The following EPHA4 variants were observed in gnomAD, a reference collection of about 807,000 sequenced individuals.
EPHA4 encodes ephrin type-A receptor 4.
A neutral mutation model predicts 108.3 loss-of-function variants in EPHA4; 19 were observed. The ratio of observed to expected loss-of-function variants is 0.18; its 90% CI spans 0.12 to 0.26. The LOEUF is 0.26. Ranked by LOEUF, EPHA4 falls within the 10% of genes least tolerant of loss-of-function variation. EPHA4 has a pLI of 1.00. For synonymous variants in EPHA4, 449 were observed against 455.5 expected (o/e 0.99, Z 0.18); for missense variants, 917 against 1,254.0 (o/e 0.73, Z 4.06).
chr2:221,538,116 C>T (rs919569766), intron 3 of EPHA4, among the ~76,000 whole-genome samples: 5 of 152,064 alleles, frequency 3.3e-5, no homozygotes, highest in Admixed American at 2.6e-4. Flanking sequence ...TTGAATTGAA[C>T]GAAGAGTCTA....
intron 3 of EPHA4, among the ~76,000 whole-genome samples, chr2:221,504,567 C>T (rs1559270264): frequency 6.7e-6 from 1 of 150,368 alleles, no homozygotes; most frequent in Middle Eastern, 3.2e-3. Flanking sequence ...ATATATATGG[C>T]TATGTCATTT....
At position 221,420,396 on chromosome 2, in the gene EPHA4, T is replaced by C. The variant is rs1483794448; in HGVS notation, c.*976A>G. ...GTCACACATTTATTCTTTTCAGGTA[T>C]GGGTGTTGTTTCATCAGTGTCTTTG... On this transcript the variant is annotated 3_prime_UTR_variant, in exon 18 of 18. Coordinates refer to ENST00000281821, the MANE Select transcript of EPHA4 (RefSeq NM_004438.5). 2 of 152,652 alleles carry C rather than the reference T, an allele frequency of 1.3e-5. No individual in the cohort carries two copies. Among genetic ancestry groups the C allele is most frequent in the East Asian group, 3.9e-4 (2 of 5,194 alleles). 9.5% of individuals were successfully genotyped at this position (152,652 alleles called of 1,614,324 possible).
At chr2:221,502,877 A>G (rs1459444197) in intron 3 of EPHA4, among the ~76,000 whole-genome samples, 3 of 152,232 alleles carry the variant, frequency 2.0e-5, no homozygotes, top group Non-Finnish European at 4.4e-5. Context: ...CTTTCACTGG[A>G]CCGGAGCATC....
chr2:221,506,153 A>G (rs951452922), intron 3 of EPHA4, among the ~76,000 whole-genome samples: 1 of 152,312 alleles, frequency 6.6e-6, no homozygotes, highest in South Asian at 2.1e-4. Context: ...ATGACCAAAA[A>G]GTTTCCATGG....
chr2:221,481,334 A>G (rs1051281594), intron 5 of EPHA4, among the ~76,000 whole-genome samples: 1 of 52,814 alleles, frequency 1.9e-5, no homozygotes, highest in Non-Finnish European at 3.7e-5. Flanking sequence ...CCTCCGCCCC[A>G]CCCTCCCAGC....
At chr2:221,555,305 G>A (rs954595171) in intron 3 of EPHA4, among the ~76,000 whole-genome samples, 1 of 152,190 alleles carries the variant, frequency 6.6e-6, no homozygotes, top group East Asian at 1.9e-4. Context: ...TAAACAGAAG[G>A]AGATTTTGGC....
Position 221,443,525 on chromosome 2 carries a change from G to A in EPHA4, c.1856C>T (p.Ser619Phe), listed in dbSNP as rs1443537232. ...TATAACTTTTTCAATCTTAATGCAG[G>A]ATGCGTCAATTTCTTTGGCAAACTC... ...VREFAKEIDA[S>F]CIKIEKVIGV... is the part of the protein sequence containing the mutation. The change falls in exon 10 of 18, where the codon TCC (serine) becomes TTC (phenylalanine). Residue 619 changes from serine (S) to phenylalanine (F), a missense_variant. Physicochemically the swap from Ser to Phe is radical, Grantham distance 155. Transcript: ENST00000281821. 6.2e-7 allele frequency: 1 copy of A among 1,613,722 alleles called. No homozygotes were observed. Among genetic ancestry groups the A allele is most frequent in the Non-Finnish European group, 8.5e-7 (1 of 1,179,918 alleles).
At chr2:221,499,756 A>ATATATATATATATT (rs1334015871) in intron 4 of EPHA4, among the ~76,000 whole-genome samples, 2 of 26,228 alleles carry the variant, frequency 7.6e-5, no homozygotes, top group African/African-American at 3.2e-4. Flanking sequence ...ATATATATAT[A>ATATATATATATATT]TTTTTTTTTT....
Position 221,434,309 on chromosome 2 carries a change from ATAAGTTATTCCT to A in EPHA4, c.2347-30_2347-19del, listed in dbSNP as rs753872481. 3 of 1,612,898 alleles carry A rather than the reference ATAAGTTATTCCT, an allele frequency of 1.9e-6. No homozygotes were observed. The highest frequency in any genetic ancestry group is 2.5e-6 in the Non-Finnish European group (3 of 1,179,402). On this transcript the variant is annotated intron_variant, in intron 13 of 17. Transcript: ENST00000281821. ...TTGCCACCCTGTGAACATTTGAGCC[ATAAGTTATTCCT>A]TAAGTACATCACTGATGTGCCATTT...
intron 3 of EPHA4, among the ~76,000 whole-genome samples, chr2:221,557,361 A>G (rs1008473293): frequency 1.3e-5 from 2 of 152,212 alleles, no homozygotes; most frequent in Non-Finnish European, 2.9e-5. Flanking sequence ...CAAACAGCCC[A>G]TATTGTCACC....
chr2:221,555,450 C>T (rs985067589), intron 3 of EPHA4, among the ~76,000 whole-genome samples: 5 of 152,194 alleles, frequency 3.3e-5, no homozygotes, highest in African/African-American at 1.2e-4. Context: ...AGACAGCTGA[C>T]GACCTGCATT....
intron 14 of EPHA4, among the ~76,000 whole-genome samples, chr2:221,432,068 G>A (rs908646275): frequency 8.6e-5 from 13 of 151,340 alleles, no homozygotes; most frequent in African/African-American, 2.4e-4. Flanking sequence ...ATGCCTTTTC[G>A]TGGATAAAGC....
In EPHA4 at chr2:221,477,344, G is replaced by T. The variant is rs1275720652; in HGVS notation, c.1318+5008C>A. 2.0e-5 allele frequency among the ~76,000 whole-genome samples: 3 copies of T among 152,292 alleles called. No homozygotes were observed. In the South Asian group the frequency reaches 6.2e-4, roughly 32 times the overall value. On this transcript the variant is annotated intron_variant, in intron 5 of 17. Transcript: ENST00000281821. ...CATGGCTATGGAACCCTGAAATGGTGGGCACTGCTATGAAGTCTGTTCTTA... is the reference window on the plus strand; with the variant it reads ...CATGGCTATGGAACCCTGAAATGGTTGGCACTGCTATGAAGTCTGTTCTTA...
At chr2:221,451,051 T>G (rs1374018680) in intron 8 of EPHA4, among the ~76,000 whole-genome samples, 1 of 152,132 alleles carries the variant, frequency 6.6e-6, no homozygotes, top group Non-Finnish European at 1.5e-5. Context: ...CTGTCTCTAC[T>G]ACACATACAA....
chr2:221,473,439 T>C (rs1691553996), intron 5 of EPHA4, among the ~76,000 whole-genome samples: 2 of 151,572 alleles, frequency 1.3e-5, no homozygotes, highest in Non-Finnish European at 2.9e-5. Flanking sequence ...AGAAGAATTC[T>C]CTATGTATTT....
chr2:221,421,950 C>T (rs982619430), intron 17 of EPHA4: 7 of 151,850 alleles, frequency 4.6e-5, no homozygotes, highest in African/African-American at 1.7e-4. Flanking sequence ...AGAGAGAAAT[C>T]GTTTTCTGGC....
At chr2:221,566,933 AGAAGGAGAAGGAGAAGGAGAAGG>A in intron 2 of EPHA4, among the ~76,000 whole-genome samples, 1 of 44,912 alleles carries the variant, frequency 2.2e-5, no homozygotes, top group African/African-American at 1.5e-4. Flanking sequence ...AAGGAGAAGG[AGAAGGAGAAGGAGAAGGAGAAGG>A]GGAAGAGGAA....
At chr2:221,452,396 G>A (rs1040906000) in intron 8 of EPHA4, among the ~76,000 whole-genome samples, 3 of 152,152 alleles carry the variant, frequency 2.0e-5, no homozygotes, top group Non-Finnish European at 2.9e-5. Context: ...GTCCTCTCAC[G>A]AAAAGCCTGG....
Position 221,563,780 on chromosome 2 carries a change from G to A in EPHA4, c.774C>T (p.Gly258=). The stretch of plus-strand genomic sequence containing the variant: ...CATGCCCAGCGTTGCATAGGCAGTT[G>A]CCAATGGGTACCAGCCATTCACCAT... ...GADGEWLVPI[G]NCLCNAGHEE... is the part of the protein sequence containing the mutation. Residue 258 remains glycine (G), a synonymous_variant, in exon 3 of 18, where the codon GGC becomes GGT. Transcript: ENST00000281821. The A allele has an allele frequency of 6.2e-7, 1 of 1,614,208 alleles. No individual in the cohort carries two copies.
Sources: gnomAD v4.1 joint callset for allele counts (sites outside exome capture counted in the v4.1 genomes callset) on GRCh38, gnomAD v4.1.1 for gene constraint, MANE v1.5 for transcripts, NCBI Gene and HGNC (gene_info 2026-07-23, HGNC 2026-07-21) for gene names.